CAST: variants seen among roughly 807,000 people sequenced by gnomAD.
The protein encoded by CAST is MIR583 host.
Under a neutral mutation model 119.6 loss-of-function variants are expected in CAST, and 76 were observed. The observed-to-expected ratio is 0.64, with a 90% CI of 0.53 to 0.77. The LOEUF is 0.77. CAST is among the 30% of genes least tolerant of loss of function. The pLI is 0.00. For missense variants in CAST, 953 were observed against 946.5 expected, an observed-to-expected ratio of 1.01 and a Z score of -0.09; for synonymous variants, 319 against 331.6, an observed-to-expected ratio of 0.96 and a Z score of 0.41.
At chr5:96,227,867 C>T in the CAST span, among the ~76,000 whole-genome samples, 26 of 152,024 alleles carry the variant, frequency 1.7e-4, no homozygotes, top group Non-Finnish European at 2.6e-4. Context: ...GGTGGCAACG[C>T]GACTAAGTTT....
At chr5:96,086,197 TTTTTA>T in the CAST span, among the ~76,000 whole-genome samples, 10 of 152,088 alleles carry the variant, frequency 6.6e-5, no homozygotes, top group African/African-American at 2.2e-4. Flanking sequence ...GTATTATTGG[TTTTTA>T]TTTTATTTTT....
the CAST span, among the ~76,000 whole-genome samples, chr5:96,225,358 T>A: frequency 6.6e-6 from 1 of 152,134 alleles, no homozygotes; most frequent in African/African-American, 2.4e-5. Flanking sequence ...ATATACACAT[T>A]AGCAGTTTTG....
intron 20 of CAST, among the ~76,000 whole-genome samples, chr5:96,753,376 C>A (rs557299651): frequency 6.6e-6 from 1 of 152,172 alleles, no homozygotes; most frequent in African/African-American, 2.4e-5. Flanking sequence ...AATGTACAGA[C>A]GATTCCCTTT....
the CAST span, among the ~76,000 whole-genome samples, chr5:96,459,895 C>T: frequency 6.6e-6 from 1 of 152,292 alleles, no homozygotes; most frequent in East Asian, 1.9e-4. Context: ...CCCTCATCTT[C>T]TGTACAAACA....
At chr5:96,077,938 T>C in the CAST span, among the ~76,000 whole-genome samples, 1 of 152,242 alleles carries the variant, frequency 6.6e-6, no homozygotes, top group African/African-American at 2.4e-5. Flanking sequence ...GATAGCTGGA[T>C]TACCTATGCT....
chr5:96,733,421 T>C (rs1760985099), intron 9 of CAST, among the ~76,000 whole-genome samples: 1 of 152,218 alleles, frequency 6.6e-6, no homozygotes, highest in Non-Finnish European at 1.5e-5. Context: ...TTAAATGTAA[T>C]CAAAATTTAC....
At chr5:96,374,862 C>T in the CAST span, among the ~76,000 whole-genome samples, 1 of 152,112 alleles carries the variant, frequency 6.6e-6, no homozygotes, top group East Asian at 1.9e-4. Context: ...CTGGAGTTTC[C>T]GGCTCTCAAT....
chr5:96,586,674 C>G (rs1746866951), intron 1 of CAST, among the ~76,000 whole-genome samples: 1 of 152,190 alleles, frequency 6.6e-6, no homozygotes, highest in African/African-American at 2.4e-5. Flanking sequence ...CAAAGGCAGC[C>G]ACATCGGTGA....
In CAST at chr5:96,572,733, T is replaced by C. The variant is rs566976658; in HGVS notation, c.60+42853T>C. 9.2e-5 allele frequency among the ~76,000 whole-genome samples: 14 copies of C among 152,094 alleles called. No homozygotes were observed. The South Asian group carries it at 2.9e-3, about 32-fold the overall frequency. On this transcript the variant is annotated intron_variant, in intron 1 of 11. Transcript: ENST00000505143. ...TCGCCTGGGTCCCTGGGCTGAAAAA[T>C]AAAGCTTGCTTGTGCTGGTCTCTAC...
intron 1 of CAST, among the ~76,000 whole-genome samples, chr5:96,671,242 A>G (rs1349442290): frequency 6.6e-6 from 1 of 151,966 alleles, no homozygotes; most frequent in Non-Finnish European, 1.5e-5. Flanking sequence ...CCTTCCAGTG[A>G]AATTCTTTAC....
At chr5:96,177,075 T>G in the CAST span, among the ~76,000 whole-genome samples, 1 of 152,172 alleles carries the variant, frequency 6.6e-6, no homozygotes, top group African/African-American at 2.4e-5. Context: ...TTTAGTTTTG[T>G]GATTGAGCAA....
At chr5:96,210,023 A>C in the CAST span, 1 of 149,098 alleles carries the variant, frequency 6.7e-6, no homozygotes, top group East Asian at 2.0e-4. Flanking sequence ...TTTTTTTTTC[A>C]TTAAGATATT....
At chr5:96,748,473 TAAAA>T (rs756005804) in intron 18 of CAST, 41 bp from the exon 19 acceptor site, 1 of 945,824 alleles carries the variant, frequency 1.1e-6, no homozygotes, top group Admixed American at 2.5e-5. Flanking sequence ...TTTTACAAAA[TAAAA>T]AAGAGTCCCC....
chr5:96,233,195 A>T, the CAST span, among the ~76,000 whole-genome samples: 1 of 152,104 alleles, frequency 6.6e-6, no homozygotes, highest in Non-Finnish European at 1.5e-5. Context: ...AATATATAAA[A>T]TGTAAAGACC....
the CAST span, among the ~76,000 whole-genome samples, chr5:96,152,015 G>A: frequency 4.8e-4 from 73 of 152,288 alleles, no homozygotes; most frequent in Non-Finnish European, 8.8e-4. Flanking sequence ...GGGATTCTGG[G>A]TGAAGAAACA....
chr5:96,719,070 A>T (rs891297707), intron 3 of CAST, among the ~76,000 whole-genome samples: 72 of 152,290 alleles, frequency 4.7e-4, no homozygotes, highest in African/African-American at 1.7e-3. Context: ...ACAAAGAAGT[A>T]AGGAGCTGAG....
At chr5:96,604,013 C>G (rs562302840) in intron 1 of CAST, among the ~76,000 whole-genome samples, 56 of 152,274 alleles carry the variant, frequency 3.7e-4, no homozygotes, top group African/African-American at 1.3e-3. Context: ...AATCTTCCCC[C>G]CTCAGCTTCC....
At chr5:96,628,041 A>G (rs898109057) in intron 1 of CAST, among the ~76,000 whole-genome samples, 2 of 152,248 alleles carry the variant, frequency 1.3e-5, no homozygotes, top group Non-Finnish European at 2.9e-5. Context: ...CTCTTATACA[A>G]ACATTTAGAA....
the CAST span, among the ~76,000 whole-genome samples, chr5:96,383,964 G>A: frequency 1.3e-5 from 2 of 152,136 alleles, no homozygotes; most frequent in Admixed American, 6.5e-5. Flanking sequence ...TTAGATCAGG[G>A]AGATGAGTAG....
Sources: gnomAD v4.1 joint callset for allele counts (sites outside exome capture counted in the v4.1 genomes callset) on GRCh38, gnomAD v4.1.1 for gene constraint, MANE v1.5 for transcripts, NCBI Gene and HGNC (gene_info 2026-07-23, HGNC 2026-07-21) for gene names.